Variants in CCDC9 observed in about 807,000 individuals in gnomAD.
The protein encoded by CCDC9 is coiled-coil domain containing 9.
In CCDC9, 52 loss-of-function variants were observed where a neutral mutation model predicts 65.6. The observed-to-expected ratio is 0.79, with a 90% CI of 0.63 to 1.00. The LOEUF (loss-of-function observed/expected upper bound fraction) is 1.00. Ranked by LOEUF, CCDC9 falls within the 50% of genes least tolerant of loss-of-function variation. The pLI is 0.00. For missense variants in CCDC9, 834 were observed against 757.2 expected, an observed-to-expected ratio of 1.10 and a Z score of -1.19; for synonymous variants, 332 against 280.3, an observed-to-expected ratio of 1.18 and a Z score of -1.84.
In CCDC9 at chr19:47,260,574, C is replaced by A; in HGVS notation, c.211-14C>A. 1 of 1,533,948 alleles carries A rather than the reference C, an allele frequency of 6.5e-7. No homozygotes were observed. Among genetic ancestry groups the A allele is most frequent in the Non-Finnish European group, 8.7e-7 (1 of 1,147,726 alleles). ...GCCCCAGTGACTGTATTTTCCCCAT[C>A]TCCCCTCTTCCAGGAGAAGAACCTG... On this transcript the variant is annotated splice_polypyrimidine_tract_variant and intron_variant, in intron 4 of 11. Coordinates refer to ENST00000221922, the MANE Select transcript of CCDC9 (RefSeq NM_015603.3).
intron 8 of CCDC9, among the ~76,000 whole-genome samples, chr19:47,269,840 T>TG (rs981161658): frequency 6.6e-6 from 1 of 152,166 alleles, no homozygotes; most frequent in African/African-American, 2.4e-5. Flanking sequence ...TAGGGAGTTG[T>TG]GGGTCATGTA....
intron 3 of CCDC9, 128 bp downstream of exon 3, chr19:47,258,791 G>T: frequency 3.0e-6 from 2 of 669,600 alleles, no homozygotes; most frequent in Non-Finnish European, 5.3e-6. Flanking sequence ...AAAGGCCTTA[G>T]CCTGACATCC....
At chr19:47,266,876 T>C (rs2059085941) in intron 8 of CCDC9, 84 bp downstream of exon 8, 6 of 1,492,774 alleles carry the variant, frequency 4.0e-6, no homozygotes, top group Non-Finnish European at 5.4e-6. Context: ...CTCTGGTTTT[T>C]CCTGCTGTGT....
chr19:47,275,261 C>T, downstream of CCDC9: 1 of 1,540,642 alleles, frequency 6.5e-7, no homozygotes, highest in South Asian at 1.2e-5. Flanking sequence ...TGAGCCGCCG[C>T]CGCCGCTACA....
At chr19:47,262,718 T>C (rs1351866094) in intron 5 of CCDC9, among the ~76,000 whole-genome samples, 4 of 152,142 alleles carry the variant, frequency 2.6e-5, no homozygotes, top group Non-Finnish European at 5.9e-5. Flanking sequence ...ATGAAAACGT[T>C]GTCTACAGCT....
intron 5 of CCDC9, among the ~76,000 whole-genome samples, chr19:47,261,053 C>G (rs2059042481): frequency 6.6e-6 from 1 of 151,930 alleles, no homozygotes; most frequent in African/African-American, 2.4e-5. Context: ...CCTCTCACGC[C>G]TAGAGCTCGT....
intron 5 of CCDC9, among the ~76,000 whole-genome samples, chr19:47,262,550 G>C (rs755491170): frequency 8.5e-5 from 13 of 152,194 alleles, no homozygotes; most frequent in South Asian, 4.2e-4. Flanking sequence ...TGGCCCCTAG[G>C]TCCTGGTCAT....
At chr19:47,273,542 T>C, downstream of CCDC9, 1 of 460,542 alleles carries the variant, frequency 2.2e-6, no homozygotes. Flanking sequence ...TCTGCCACAC[T>C]CCAGCCAGGA....
rs753734477 is a variant in CCDC9, at chr19:47,271,214, C to T, written c.1191+27C>T. On this transcript the variant is annotated intron_variant, in intron 11 of 11. Transcript: ENST00000221922. Reference sequence around the variant, plus strand: ...TGAGGCTGGGCTGTGGTTCAGGGCACGGGCCTGGGGTGGGGGCTCAGGACC... The same window carrying T: ...TGAGGCTGGGCTGTGGTTCAGGGCATGGGCCTGGGGTGGGGGCTCAGGACC... 3.1e-5 allele frequency: 50 copies of T among 1,605,920 alleles called. 1 individual carries two copies. The South Asian group carries it at 3.2e-4, about 10-fold the overall frequency.
chr19:47,270,319 G>C, intron 8 of CCDC9, 88 bp from the exon 9 acceptor site: 1 of 1,314,688 alleles, frequency 7.6e-7, no homozygotes, highest in African/African-American at 1.5e-5. Flanking sequence ...TCTCTGATCC[G>C]ATTCCTGACC....
chr19:47,262,100 A>G (rs936230172), intron 5 of CCDC9, among the ~76,000 whole-genome samples: 1 of 151,904 alleles, frequency 6.6e-6, no homozygotes, highest in Non-Finnish European at 1.5e-5. Context: ...TTCATGACCT[A>G]AGTGGAGTAG....
downstream of CCDC9, chr19:47,274,013 C>T (rs2059140883): frequency 5.1e-6 from 5 of 982,874 alleles, no homozygotes; most frequent in Non-Finnish European, 6.0e-6. Context: ...CTGAAGCTTC[C>T]CCGCCTTGAT....
At chr19:47,272,755 C>T (rs56204511), downstream of CCDC9, among the ~76,000 whole-genome samples, 68,962 of 151,920 alleles carry the variant, frequency 0.45, 16,083 homozygotes, top group East Asian at 0.67. Flanking sequence ...ATTAGAGTTC[C>T]GAGGTGCAAC....
chr19:47,273,341 C>G (rs1438321573), downstream of CCDC9: 68 of 1,229,986 alleles, frequency 5.5e-5, no homozygotes, highest in Non-Finnish European at 6.3e-5. Flanking sequence ...GCTGACTCAG[C>G]CCCTTCTCTC....
rs752643878 is a variant in CCDC9 at position 47,270,419 on chromosome 19, C to T, written c.915C>T (p.Gly305=). 9 of 1,614,024 alleles carry T rather than the reference C, an allele frequency of 5.6e-6. No individual in the cohort carries two copies. Among genetic ancestry groups the T allele is most frequent in the African/African-American group, 2.7e-5 (2 of 74,924 alleles). The change falls in exon 9 of 12, where the codon GGC becomes GGT. Residue 305 remains glycine, a synonymous_variant. Coordinates refer to ENST00000221922, the MANE Select transcript of CCDC9 (RefSeq NM_015603.3). ...ATCTTTCCCCCAGGTTCAAGGATGG[C>T]CCAGTCCCTGCCCATGAACCATCCC... ...AEKTDGMFKD[G]PVPAHEPSHR...
rs1444505269 is a variant in CCDC9 at position 47,264,763 on chromosome 19, C to T, written c.547-10C>T. On this transcript the variant is annotated splice_polypyrimidine_tract_variant and intron_variant, in intron 6 of 11. Transcript: ENST00000221922. Reference sequence around the variant, plus strand: ...GAGCCCGCGCCAACCCCCTGCTCTGCTGCCTGCAGGAAGGGGTTCTTGAAC... The same window carrying T: ...GAGCCCGCGCCAACCCCCTGCTCTGTTGCCTGCAGGAAGGGGTTCTTGAAC... 5.6e-6 allele frequency: 9 copies of T among 1,605,614 alleles called. No homozygotes were observed. The highest frequency in any genetic ancestry group is 7.7e-6 in the Non-Finnish European group (9 of 1,175,896).
intron 8 of CCDC9, among the ~76,000 whole-genome samples, chr19:47,267,646 C>T (rs753709486): frequency 2.6e-5 from 4 of 152,188 alleles, no homozygotes; most frequent in Non-Finnish European, 5.9e-5. Context: ...GCCAGCACAC[C>T]CCGCCTCACT....
At chr19:47,257,949 T>G (rs1600274372) in intron 1 of CCDC9, 1 of 183,188 alleles carries the variant, frequency 5.5e-6, no homozygotes, top group Non-Finnish European at 1.2e-5. Context: ...GTTGGAGGGG[T>G]TGTAGTTGGA....
intron 7 of CCDC9, 192 bp from the exon 8 acceptor site, chr19:47,266,419 G>A (rs2059082616): frequency 2.9e-6 from 2 of 696,318 alleles, no homozygotes; most frequent in South Asian, 2.9e-5. Context: ...CAGCAGCTGA[G>A]GGGACAGAGG....
Sources: allele counts gnomAD v4.1 joint callset (sites outside exome capture counted in the v4.1 genomes callset), GRCh38; gene constraint gnomAD v4.1.1; transcripts MANE v1.5; gene names NCBI Gene and HGNC (gene_info 2026-07-23, HGNC 2026-07-21).